The following PLCB3 variants were observed in gnomAD, a reference collection of about 807,000 sequenced individuals.
PLCB3 encodes the protein phospholipase C beta 3.
A neutral mutation model predicts 152.1 loss-of-function variants in PLCB3; 54 were observed. The observed-to-expected ratio is 0.36, with a 90% CI of 0.29 to 0.45. PLCB3 has a LOEUF of 0.45. PLCB3 is among the 20% of genes least tolerant of loss of function. PLCB3 has a pLI of 1.00. For synonymous variants in PLCB3, 717 were observed against 698.7 expected (o/e 1.03, Z -0.41); for missense variants, 1,248 against 1,687.5 (o/e 0.74, Z 4.56).
chr11:64,256,482 C>T lies in PLCB3; in HGVS notation c.805C>T (p.Pro269Ser). Residue 269 changes from proline (P) to serine (S), a missense_variant, in exon 9 of 31, where the codon CCC (proline) becomes TCC (serine). Physicochemically the swap from Pro to Ser is moderately conservative, Grantham distance 74. Around this residue, in one of 6 missense-constraint regions of PLCB3, gnomAD observed 299 missense variants for 434.7 expected, o/e 0.69. Coordinates refer to ENST00000279230, the MANE Select transcript of PLCB3 (RefSeq NM_000932.5). ...CGAAGTGCTGTACCCGCCCCTGCGG[C>T]CCTCCCAGGCCCGGCTGCTCATCGA... ...LNEVLYPPLR[P>S]SQARLLIEKY... is the part of the protein sequence containing the mutation. 2 of 1,613,892 alleles carry T rather than the reference C, an allele frequency of 1.2e-6. No homozygotes were observed. Among genetic ancestry groups the T allele is most frequent in the Non-Finnish European group, 1.7e-6 (2 of 1,180,024 alleles).
At chr11:64,264,902 CT>C (rs1255582950) in intron 22 of PLCB3, 48 bp from the exon 23 acceptor site, 1 of 1,599,290 alleles carries the variant, frequency 6.3e-7, no homozygotes, top group Non-Finnish European at 8.6e-7. Flanking sequence ...ACAGAAGGGT[CT>C]GGAGGGAACA....
chr11:64,267,846 C>T lies in PLCB3; in HGVS notation c.*290C>T, dbSNP rs2032209144. 4.9e-6 allele frequency: 2 copies of T among 411,296 alleles called. No homozygotes were observed. Among genetic ancestry groups the T allele is most frequent in the Non-Finnish European group, 8.6e-6 (2 of 231,252 alleles). The allele number at this position is 411,296 out of a possible 1,614,324, so 25.5% of individuals were successfully genotyped here. A position where few individuals can be genotyped will look rare whatever the true frequency, so the allele number is the denominator to read the frequency against. ...GGGAGAGCTGGCTGGAGACTTGGAG[C>T]TCCGGGAAGTAGGAGTCACATTTTT... On this transcript the variant is annotated 3_prime_UTR_variant, in exon 31 of 31. Coordinates refer to ENST00000279230, the MANE Select transcript of PLCB3 (RefSeq NM_000932.5). This position sits in a 1 kb window ranked among gnomAD's most constrained non-coding sequence, Gnocchi z 5.2.
rs1171908548 is a variant in PLCB3, at chr11:64,255,701, C to G, written c.598-20C>G. On this transcript the variant is annotated intron_variant, in intron 7 of 30. Coordinates refer to ENST00000279230, the MANE Select transcript of PLCB3 (RefSeq NM_000932.5). The surrounding 1 kb of genome is among the most constrained non-coding windows in gnomAD (Gnocchi z 6.8). ...GGCTGCCCGCCCCTGGCTTCTCACCCCACACTCCTCGACCTCCAGAGTGAG... is the reference window on the plus strand; with the variant it reads ...GGCTGCCCGCCCCTGGCTTCTCACCGCACACTCCTCGACCTCCAGAGTGAG... The G allele has an allele frequency of 1.2e-6, 2 of 1,611,558 alleles. No individual in the cohort carries two copies. The highest frequency in any genetic ancestry group is 2.7e-5 in the African/African-American group (2 of 74,876).
rs1199338461 is a variant in PLCB3, at chr11:64,261,960, A to G, written c.1922A>G (p.Lys641Arg). The G allele has an allele frequency of 6.2e-7, 1 of 1,614,008 alleles. No homozygotes were observed. Among genetic ancestry groups the G allele is most frequent in the Non-Finnish European group, 8.5e-7 (1 of 1,179,982 alleles). Reference protein sequence around the residue: ...KSPMEFVEYNKQQLSRIYPKG... With the variant: ...KSPMEFVEYNRQQLSRIYPKG... ...CTGACCACCAATCTCAGATACAACA[A>G]GCAGCAGCTCAGCCGCATCTACCCC... The change falls in exon 17 of 31, where the codon AAG becomes AGG. Residue 641 changes from lysine to arginine, a missense_variant. Lys to Arg is a conservative substitution (Grantham distance 26). Coordinates refer to ENST00000279230, the MANE Select transcript of PLCB3 (RefSeq NM_000932.5).
At chr11:64,253,066 C>T (rs2031320473) in intron 1 of PLCB3, among the ~76,000 whole-genome samples, 1 of 152,216 alleles carries the variant, frequency 6.6e-6, no homozygotes, top group African/African-American at 2.4e-5. Context: ...CTTCTGTTCC[C>T]AGATGAACGC....
rs1014045893 is a variant in PLCB3 at position 64,267,377 on chromosome 11, T to C, written c.3526T>C (p.Cys1176Arg). 9 of 1,544,292 alleles carry C rather than the reference T, an allele frequency of 5.8e-6. No individual in the cohort carries two copies. Among genetic ancestry groups the C allele is most frequent in the South Asian group, 1.2e-5 (1 of 83,448 alleles). Residue 1176 changes from cysteine (C) to arginine (R), a missense_variant, in exon 31 of 31, where the codon TGT (cysteine) becomes CGT (arginine). Cys to Arg is a radical substitution (Grantham distance 180). This residue lies in a region of PLCB3 where 477 missense variants were observed against 489.6 expected (regional missense o/e 0.97). Transcript: ENST00000279230. This position sits in a 1 kb window ranked among gnomAD's most constrained non-coding sequence, Gnocchi z 5.2. ...PKLLAQLAQE[C>R]QEQRARLPQE... ...GCTGCTGGCCCAGCTGGCCCAGGAG[T>C]GTCAGGAGCAGCGGGCGAGGCTCCC...
At chr11:64,259,309 C>A in intron 13 of PLCB3, 65 bp downstream of exon 13, 1 of 1,280,878 alleles carries the variant, frequency 7.8e-7, no homozygotes, top group Non-Finnish European at 1.0e-6. Context: ...CTCCAGGCGC[C>A]GTGACACTTC....
chr11:64,263,235 G>A (rs2031944913), intron 19 of PLCB3: 3 of 553,502 alleles, frequency 5.4e-6, no homozygotes, highest in South Asian at 4.6e-5. Context: ...AACTGGCAAT[G>A]ACCAGAACTG....
chr11:64,267,600 T>C lies in PLCB3; in HGVS notation c.*44T>C, dbSNP rs1448578986. The stretch of plus-strand genomic sequence containing the variant: ...CCACAGGGCCAGGGCGGGCGCTGGG[T>C]GGAGGGCAGGAGGCAATGACACTAA... On this transcript the variant is annotated 3_prime_UTR_variant, in exon 31 of 31. Coordinates refer to ENST00000279230, the MANE Select transcript of PLCB3 (RefSeq NM_000932.5). The surrounding 1 kb of genome is among the most constrained non-coding windows in gnomAD (Gnocchi z 5.2). 62 of 1,366,014 alleles carry C rather than the reference T, an allele frequency of 4.5e-5. No homozygotes were observed. Among genetic ancestry groups the C allele is most frequent in the Non-Finnish European group, 6.2e-5 (62 of 999,290 alleles). The allele number at this position is 1,366,014 out of a possible 1,614,324, so 84.6% of individuals were successfully genotyped here. A position where few individuals can be genotyped will look rare whatever the true frequency, so the allele number is the denominator to read the frequency against.
chr11:64,251,739 A>G lies in PLCB3; in HGVS notation c.90A>G (p.Lys30=). 6.8e-7 allele frequency: 1 copy of G among 1,464,792 alleles called. No homozygotes were observed. Among genetic ancestry groups the G allele is most frequent in the Non-Finnish European group, 9.1e-7 (1 of 1,102,058 alleles). 90.7% of individuals were successfully genotyped at this position (1,464,792 alleles called of 1,614,324 possible). A position where few individuals can be genotyped will look rare whatever the true frequency, so the allele number is the denominator to read the frequency against. Residue 30 remains lysine (K), a synonymous_variant, in exon 1 of 31, where the codon AAA becomes AAG. Transcript: ENST00000279230. ...ETLRRGSKFI[K]WDEETSSRNL... is the part of the protein sequence containing the mutation. Reference sequence around the variant, plus strand: ...TGCGGCGCGGGAGTAAGTTCATCAAATGGGACGAGGTAAGCGCGCGGGCCC... The same window carrying G: ...TGCGGCGCGGGAGTAAGTTCATCAAGTGGGACGAGGTAAGCGCGCGGGCCC...
rs768272696 is a variant in PLCB3, at chr11:64,261,394, C to T, written c.1732-6C>T. 2.5e-6 allele frequency: 4 copies of T among 1,611,956 alleles called. No homozygotes were observed. The highest frequency in any genetic ancestry group is 3.4e-6 in the Non-Finnish European group (4 of 1,178,298). On this transcript the variant is annotated splice_region_variant and splice_polypyrimidine_tract_variant and intron_variant, in intron 14 of 30. Transcript: ENST00000279230. ...GGCACTGCTGACCCTGGGTTGGGGC[C>T]CACAGGGCACAGCCAGCAGCGAGGT...
chr11:64,257,295 C>G (rs527652973), intron 10 of PLCB3, among the ~76,000 whole-genome samples: 1 of 152,086 alleles, frequency 6.6e-6, no homozygotes, highest in African/African-American at 2.4e-5. Flanking sequence ...TGAGCCACCT[C>G]GCCCAGCCTG....
At position 64,256,502 on chromosome 11, in the gene PLCB3, C is replaced by T; in HGVS notation, c.825C>T (p.Leu275=). 1 of 1,613,870 alleles carries T rather than the reference C, an allele frequency of 6.2e-7. No homozygotes were observed. The highest frequency in any genetic ancestry group is 1.7e-5 in the Admixed American group (1 of 60,020). ...PPLRPSQARL[L]IEKYEPNQQF... is the part of the protein sequence containing the mutation. ...TGCGGCCCTCCCAGGCCCGGCTGCT[C>T]ATCGAAAAGTATGAGCCCAACCAGC... The change falls in exon 9 of 31, where the codon CTC becomes CTT. Residue 275 remains leucine (L), a synonymous_variant. Coordinates refer to ENST00000279230, the MANE Select transcript of PLCB3 (RefSeq NM_000932.5).
Position 64,258,347 on chromosome 11 carries a change from G to C in PLCB3, c.1013-126G>C. On this transcript the variant is annotated intron_variant, in intron 10 of 30. Transcript: ENST00000279230. The surrounding 1 kb of genome is among the most constrained non-coding windows in gnomAD (Gnocchi z 7.2). ...GCTCACGCTGGTGGGATGGACAGGT[G>C]GTGGGTATCCATCTGAGAGATGGAG... 1 of 1,056,930 alleles carries C rather than the reference G, an allele frequency of 9.5e-7. No homozygotes were observed. Among genetic ancestry groups the C allele is most frequent in the Non-Finnish European group, 1.3e-6 (1 of 741,166 alleles). 65.5% of individuals were successfully genotyped at this position (1,056,930 alleles called of 1,614,324 possible). A position where few individuals can be genotyped will look rare whatever the true frequency, so the allele number is the denominator to read the frequency against.
Position 64,258,820 on chromosome 11 carries a change from T to C in PLCB3, c.1254-65T>C. 2 of 1,606,290 alleles carry C rather than the reference T, an allele frequency of 1.2e-6. No individual in the cohort carries two copies. Among genetic ancestry groups the C allele is most frequent in the Non-Finnish European group, 8.5e-7 (1 of 1,173,194 alleles). On this transcript the variant is annotated intron_variant, in intron 11 of 30. Coordinates refer to ENST00000279230, the MANE Select transcript of PLCB3 (RefSeq NM_000932.5). The surrounding 1 kb of genome is among the most constrained non-coding windows in gnomAD (Gnocchi z 7.2). ...CCAACCCTGCGAACGGCCACTGACATGTCCCGTAGACCTCAGCTTCCTCTC... is the reference window on the plus strand; with the variant it reads ...CCAACCCTGCGAACGGCCACTGACACGTCCCGTAGACCTCAGCTTCCTCTC...
Position 64,263,520 on chromosome 11 carries a change from C to T in PLCB3, c.2378C>T (p.Ser793Leu), listed in dbSNP as rs1591112696. 1.3e-6 allele frequency: 2 copies of T among 1,568,374 alleles called. No individual in the cohort carries two copies. Among genetic ancestry groups the T allele is most frequent in the East Asian group, 2.4e-5 (1 of 42,048 alleles). Residue 793 changes from serine to leucine, a missense_variant, in exon 20 of 31, where the codon TCA becomes TTA. Physicochemically the swap from Ser to Leu is moderately radical, Grantham distance 145. This residue lies in a region of PLCB3 where 244 missense variants were observed against 424.4 expected (regional missense o/e 0.57). Coordinates refer to ENST00000279230, the MANE Select transcript of PLCB3 (RefSeq NM_000932.5). ...CAGGTGGTGCTGCCCACGCTGGCTT[C>T]ACTTCGCATTGCAGCCTTTGAGGAG... is the stretch of plus-strand genomic sequence containing the variant. ...FPKVVLPTLA[S>L]LRIAAFEEGG...
rs371507334 is a variant in PLCB3 at position 64,266,567 on chromosome 11, C to T, written c.3414+15C>T. ...CCATCCGTCGGGTGAGTCAGGCTCC[C>T]GGGCCACCCTACCCCACCTCCCTTC... On this transcript the variant is annotated intron_variant, in intron 29 of 30. Coordinates refer to ENST00000279230, the MANE Select transcript of PLCB3 (RefSeq NM_000932.5). The surrounding 1 kb of genome is among the most constrained non-coding windows in gnomAD (Gnocchi z 4.9). 55 of 1,612,672 alleles carry T rather than the reference C, an allele frequency of 3.4e-5. No homozygotes were observed. In the African/African-American group the frequency reaches 3.5e-4, roughly 10 times the overall value.
chr11:64,256,313 G>A, intron 8 of PLCB3, 63 bp from the exon 9 acceptor site: 1 of 1,513,714 alleles, frequency 6.6e-7, no homozygotes. Flanking sequence ...CAGGGCAAGG[G>A]CTTGGCGACG....
Position 64,255,914 on chromosome 11 carries a change from T to G in PLCB3, c.698+93T>G, listed in dbSNP as rs1379950994. 9.9e-7 allele frequency: 1 copy of G among 1,006,010 alleles called. No homozygotes were observed. The highest frequency in any genetic ancestry group is 1.6e-5 in the African/African-American group (1 of 63,506). 62.3% of individuals were successfully genotyped at this position (1,006,010 alleles called of 1,614,324 possible). The stretch of plus-strand genomic sequence containing the variant: ...GCTCAATGGGGAGAGGGGAAACTGG[T>G]GGGCCGGGTCCTGGAGCGCCAGGGG... On this transcript the variant is annotated intron_variant, in intron 8 of 30. Transcript: ENST00000279230. The surrounding 1 kb of genome is among the most constrained non-coding windows in gnomAD (Gnocchi z 6.8).
Sources: gnomAD v4.1 joint callset for allele counts (sites outside exome capture counted in the v4.1 genomes callset) on GRCh38, gnomAD v4.1.1 for gene constraint, gnomAD v4.1.1 regional missense constraint, Gnocchi (gnomAD v3.1) non-coding constraint, MANE v1.5 for transcripts, NCBI Gene and HGNC (gene_info 2026-07-23, HGNC 2026-07-21) for gene names.